The following DENND5B variants were observed in gnomAD, a reference collection of about 807,000 sequenced individuals.
DENND5B encodes the protein DENN domain-containing protein 5B.
Under a neutral mutation model 140.6 loss-of-function variants are expected in DENND5B, and 34 were observed. The ratio of observed to expected loss-of-function variants is 0.24; its 90% CI spans 0.18 to 0.32. The LOEUF (loss-of-function observed/expected upper bound fraction) is 0.32, where lower values mean the gene tolerates loss of function less well. DENND5B is among the 10% of genes least tolerant of loss of function. DENND5B has a pLI of 1.00. For missense variants in DENND5B, 1,142 were observed against 1,560.2 expected (o/e 0.73, Z 4.52); for synonymous variants, 551 against 562.1 (o/e 0.98, Z 0.28).
At chr12:31,433,031 A>C in intron 8 of DENND5B, 124 bp downstream of exon 8, 1 of 814,528 alleles carries the variant, frequency 1.2e-6, no homozygotes, top group South Asian at 1.8e-5. Flanking sequence ...TAATATTTTA[A>C]ACTATAACTA....
chr12:31,561,561 T>C (rs1949476001), intron 1 of DENND5B, among the ~76,000 whole-genome samples: 1 of 152,182 alleles, frequency 6.6e-6, no homozygotes, highest in Non-Finnish European at 1.5e-5. Flanking sequence ...ACGTTTAAAA[T>C]ATATATATAC....
chr12:31,452,732 T>G (rs1219125736), intron 4 of DENND5B, among the ~76,000 whole-genome samples: 1 of 152,224 alleles, frequency 6.6e-6, no homozygotes, highest in Non-Finnish European at 1.5e-5. Flanking sequence ...ATGTTAATCT[T>G]TGCAAGGTTT....
At chr12:31,525,665 T>A (rs900523966) in intron 1 of DENND5B, among the ~76,000 whole-genome samples, 4 of 152,146 alleles carry the variant, frequency 2.6e-5, no homozygotes, top group African/African-American at 9.7e-5. Flanking sequence ...TTGATATGTA[T>A]ACGTTAATAA....
chr12:31,529,162 CAAAAAAAA>C (rs57966147), intron 1 of DENND5B, among the ~76,000 whole-genome samples: 1 of 113,240 alleles, frequency 8.8e-6, no homozygotes, highest in African/African-American at 3.3e-5. Flanking sequence ...AACTCTGTCT[CAAAAAAAA>C]AAAAAAAAGA....
chr12:31,413,175 C>T (rs1457282286), intron 13 of DENND5B, among the ~76,000 whole-genome samples: 1 of 152,162 alleles, frequency 6.6e-6, no homozygotes, highest in Non-Finnish European at 1.5e-5. Flanking sequence ...CCTTGGCCTC[C>T]CAAAATGTTA....
intron 1 of DENND5B, among the ~76,000 whole-genome samples, chr12:31,542,059 G>A (rs925729873): frequency 6.6e-6 from 1 of 152,122 alleles, no homozygotes; most frequent in Non-Finnish European, 1.5e-5. Context: ...AGGCCAAAAC[G>A]GGCAGATCAC....
chr12:31,499,093 A>G (rs941764321), intron 1 of DENND5B, among the ~76,000 whole-genome samples: 5 of 152,038 alleles, frequency 3.3e-5, no homozygotes, highest in Non-Finnish European at 5.9e-5. Flanking sequence ...GGAACAACCT[A>G]TACTTCTCAT....
chr12:31,435,132 C>T (rs1207653250), intron 7 of DENND5B, among the ~76,000 whole-genome samples: 11 of 152,108 alleles, frequency 7.2e-5, no homozygotes, highest in Admixed American at 6.6e-4. Flanking sequence ...TATCCCCTCA[C>T]TTCCCTATTC....
Position 31,457,378 on chromosome 12 carries a change from T to C in DENND5B, c.1092+2816A>G, listed in dbSNP as rs553990289. Among the ~76,000 whole-genome samples the C allele has an allele frequency of 4.6e-5, 7 of 152,344 alleles. No individual in the cohort carries two copies. The South Asian group carries it at 1.2e-3, about 27-fold the overall frequency. ...ATTAATTTATAAATCTATGTAGTTA[T>C]ATTAGTTAGCTAGCAACTAAAATCA... is the stretch of plus-strand genomic sequence containing the variant. On this transcript the variant is annotated intron_variant, in intron 4 of 20. Coordinates refer to ENST00000389082, the MANE Select transcript of DENND5B (RefSeq NM_144973.4).
At chr12:31,415,301 A>T in intron 12 of DENND5B, 66 bp downstream of exon 12, 2 of 1,247,650 alleles carry the variant, frequency 1.6e-6, no homozygotes, top group Non-Finnish European at 2.2e-6. Context: ...TGAGCAATTT[A>T]GTTAAAAGCC....
intron 1 of DENND5B, chr12:31,534,932 G>T: frequency 3.2e-6 from 1 of 315,484 alleles, no homozygotes; most frequent in South Asian, 2.8e-5. Flanking sequence ...TGATTAACTG[G>T]GTGTGGCGGC....
intron 2 of DENND5B, among the ~76,000 whole-genome samples, chr12:31,486,320 A>G (rs1946304914): frequency 6.6e-6 from 1 of 152,258 alleles, no homozygotes; most frequent in Non-Finnish European, 1.5e-5. Context: ...TCTTAGAAGC[A>G]GAGACTAGGC....
intron 1 of DENND5B, among the ~76,000 whole-genome samples, chr12:31,563,004 A>C (rs1018384173): frequency 6.6e-6 from 1 of 151,940 alleles, no homozygotes; most frequent in Non-Finnish European, 1.5e-5. Context: ...TTTCTGCACA[A>C]TAACTGCACC....
chr12:31,499,485 TA>T, intron 1 of DENND5B: 1 of 696,406 alleles, frequency 1.4e-6, no homozygotes, highest in Non-Finnish European at 2.0e-6. Context: ...AAGAGAAACA[TA>T]AAATAACATC....
intron 5 of DENND5B, among the ~76,000 whole-genome samples, chr12:31,449,333 A>T (rs1944407575): frequency 6.6e-6 from 1 of 152,190 alleles, no homozygotes; most frequent in Admixed American, 6.6e-5. Context: ...GTATATACAT[A>T]AATCCAAATA....
intron 5 of DENND5B, among the ~76,000 whole-genome samples, chr12:31,449,732 T>C (rs1042130668): frequency 8.6e-5 from 1 of 11,624 alleles, no homozygotes; most frequent in African/African-American, 1.3e-4. Flanking sequence ...CACAGATTAG[T>C]TTTTTTTTTT....
intron 15 of DENND5B, 147 bp from the exon 16 acceptor site, chr12:31,399,919 C>G: frequency 1.7e-6 from 1 of 588,606 alleles, no homozygotes; most frequent in Non-Finnish European, 3.0e-6. Flanking sequence ...GAAATATATT[C>G]ACATATATTC....
chr12:31,428,424 C>T (rs1465813829), intron 8 of DENND5B, among the ~76,000 whole-genome samples: 1 of 151,988 alleles, frequency 6.6e-6, no homozygotes, highest in Admixed American at 6.6e-5. Context: ...TTTTTTGAGA[C>T]GGAATCTCGA....
At chr12:31,387,930 C>G in intron 20 of DENND5B, 144 bp from the exon 21 acceptor site, 1 of 782,830 alleles carries the variant, frequency 1.3e-6, no homozygotes, top group Non-Finnish European at 1.9e-6. Context: ...GAGAGGAAAT[C>G]AAAGCCAAGA....
Sources: allele counts gnomAD v4.1 joint callset (sites outside exome capture counted in the v4.1 genomes callset), GRCh38; gene constraint gnomAD v4.1.1; transcripts MANE v1.5; gene names NCBI Gene and HGNC (gene_info 2026-07-23, HGNC 2026-07-21).